Variants in TENM3 observed in about 807,000 individuals in gnomAD.
TENM3 encodes the protein teneurin-3.
A neutral mutation model predicts 255.1 loss-of-function variants in TENM3; 63 were observed. The observed-to-expected ratio is 0.25, with a 90% CI of 0.20 to 0.30. The LOEUF (loss-of-function observed/expected upper bound fraction) is 0.30. Among genes scored for constraint, TENM3 ranks in the 10% least tolerant of loss-of-function variants. The pLI, the probability that TENM3 is intolerant of heterozygous loss-of-function variation, is 1.00. For synonymous variants in TENM3, 1,306 were observed against 1,322.3 expected (o/e 0.99, Z 0.27); for missense variants, 2,929 against 3,461.1 (o/e 0.85, Z 3.86).
At chr4:182,193,668 G>A (rs1304268858) in intron 1 of TENM3, among the ~76,000 whole-genome samples, 1 of 152,174 alleles carries the variant, frequency 6.6e-6, no homozygotes, top group African/African-American at 2.4e-5. Flanking sequence ...AGATTGACAT[G>A]TTTATTTTTT....
the TENM3 span, among the ~76,000 whole-genome samples, chr4:181,778,216 T>C: frequency 2.0e-5 from 3 of 152,162 alleles, no homozygotes; most frequent in Middle Eastern, 3.4e-3. Context: ...CTAAAAATCA[T>C]AGTACCTCCG....
the TENM3 span, among the ~76,000 whole-genome samples, chr4:181,683,152 T>C: frequency 2.6e-5 from 4 of 152,114 alleles, no homozygotes; most frequent in Admixed American, 6.6e-5. Context: ...TTAATAACAA[T>C]GATAATATCC....
the TENM3 span, among the ~76,000 whole-genome samples, chr4:181,546,094 G>A: frequency 6.6e-6 from 1 of 152,164 alleles, no homozygotes; most frequent in Admixed American, 6.5e-5. Flanking sequence ...CACTGCAAAG[G>A]TCTTGCGTTC....
chr4:182,012,352 A>C, the TENM3 span, among the ~76,000 whole-genome samples: 1 of 152,192 alleles, frequency 6.6e-6, no homozygotes, highest in Non-Finnish European at 1.5e-5. Flanking sequence ...GGCAGTACTT[A>C]ATATTTCCTT....
At chr4:181,888,525 T>TATATACATATATATATATAC in the TENM3 span, among the ~76,000 whole-genome samples, 2 of 99,850 alleles carry the variant, frequency 2.0e-5, no homozygotes, top group African/African-American at 1.0e-4. Flanking sequence ...TGTATATATA[T>TATATACATATATATATATAC]ACATATATGT....
intron 6 of TENM3, among the ~76,000 whole-genome samples, chr4:182,663,202 G>A (rs1375974248): frequency 3.9e-5 from 6 of 152,142 alleles, no homozygotes; most frequent in Non-Finnish European, 8.8e-5. Flanking sequence ...TTAGAGATGA[G>A]ATTCATATTT....
chr4:182,013,945 TACGTATATACAC>T, the TENM3 span, among the ~76,000 whole-genome samples: 1 of 146,412 alleles, frequency 6.8e-6, no homozygotes, highest in Non-Finnish European at 1.5e-5. Flanking sequence ...TGTGTGTATA[TACGTATATACAC>T]ACATATATAC....
At chr4:182,585,763 A>G (rs187605764) in intron 3 of TENM3, among the ~76,000 whole-genome samples, 3 of 152,312 alleles carry the variant, frequency 2.0e-5, no homozygotes, top group South Asian at 2.1e-4. Flanking sequence ...CATCTCTTCT[A>G]TGGACAATTT....
intron 1 of TENM3, among the ~76,000 whole-genome samples, chr4:182,244,218 G>T (rs748651354): frequency 1.6e-4 from 24 of 152,072 alleles, no homozygotes; most frequent in Admixed American, 3.3e-4. Context: ...CTCCCAAAGT[G>T]CTGGGATTAC....
At chr4:181,780,729 G>C in the TENM3 span, among the ~76,000 whole-genome samples, 1 of 152,076 alleles carries the variant, frequency 6.6e-6, no homozygotes, top group African/African-American at 2.4e-5. Flanking sequence ...TGTCCTGAAT[G>C]GTATTGCTTA....
At chr4:181,811,139 C>T in the TENM3 span, among the ~76,000 whole-genome samples, 2 of 152,106 alleles carry the variant, frequency 1.3e-5, no homozygotes, top group Non-Finnish European at 2.9e-5. Flanking sequence ...TTCCTATAAG[C>T]ATATGAATAT....
At chr4:182,295,597 T>C (rs899447139) in intron 1 of TENM3, among the ~76,000 whole-genome samples, 2 of 152,092 alleles carry the variant, frequency 1.3e-5, no homozygotes, top group African/African-American at 4.8e-5. Flanking sequence ...TCTTTATATT[T>C]TAAGATTCTA....
chr4:182,147,012 G>A (rs1432257993), intron 1 of TENM3, among the ~76,000 whole-genome samples: 1 of 152,092 alleles, frequency 6.6e-6, no homozygotes, highest in Non-Finnish European at 1.5e-5. Flanking sequence ...GAAAGATAAG[G>A]ATGCTTATCT....
intron 3 of TENM3, among the ~76,000 whole-genome samples, chr4:182,573,010 ACT>A (rs1014063421): frequency 5.9e-5 from 9 of 151,818 alleles, no homozygotes; most frequent in African/African-American, 2.2e-4. Context: ...AATTTTTAAA[ACT>A]CTTGTTTATT....
the TENM3 span, among the ~76,000 whole-genome samples, chr4:181,929,064 C>T: frequency 2.0e-5 from 3 of 152,200 alleles, no homozygotes; most frequent in Non-Finnish European, 4.4e-5. Flanking sequence ...GTACCAGCCA[C>T]TGTAAAAACA....
chr4:181,617,615 G>T, the TENM3 span, among the ~76,000 whole-genome samples: 1 of 152,200 alleles, frequency 6.6e-6, no homozygotes, highest in Non-Finnish European at 1.5e-5. Flanking sequence ...TTAGTTGGAG[G>T]TTCTGTTCTA....
the TENM3 span, among the ~76,000 whole-genome samples, chr4:181,837,707 T>G: frequency 6.6e-6 from 1 of 152,168 alleles, no homozygotes; most frequent in Non-Finnish European, 1.5e-5. Context: ...AAAAGAAAGA[T>G]CTTTCTGTGG....
chr4:182,336,588 G>A (rs1241772307), intron 2 of TENM3, among the ~76,000 whole-genome samples: 1 of 152,160 alleles, frequency 6.6e-6, no homozygotes, highest in Non-Finnish European at 1.5e-5. Flanking sequence ...ACCCTTTGGG[G>A]GTTGGAGAAG....
At chr4:182,362,065 A>C (rs200586758) in intron 3 of TENM3, among the ~76,000 whole-genome samples, 1 of 152,094 alleles carries the variant, frequency 6.6e-6, no homozygotes, top group Non-Finnish European at 1.5e-5. Context: ...GCTGTCTGAT[A>C]GTTCCTCTGG....
Sources: gnomAD v4.1 joint callset for allele counts (sites outside exome capture counted in the v4.1 genomes callset) on GRCh38, gnomAD v4.1.1 for gene constraint, MANE v1.5 for transcripts, NCBI Gene and HGNC (gene_info 2026-07-23, HGNC 2026-07-21) for gene names.